ANHX: variants seen among roughly 807,000 people sequenced by gnomAD.
The protein encoded by ANHX is anomalous homeobox protein.
Under a neutral mutation model 38.9 loss-of-function variants are expected in ANHX, and 20 were observed. The ratio of observed to expected loss-of-function variants is 0.51; its 90% confidence interval spans 0.36 to 0.75. The LOEUF is 0.75. Among genes scored for constraint, ANHX ranks in the 30% least tolerant of loss-of-function variants. The probability of loss-of-function intolerance (pLI) is 0.00; values close to 1 mark genes in which losing one functional copy is unlikely to be tolerated. For synonymous variants in ANHX, 185 were observed against 203.1 expected (o/e 0.91, Z 0.76); for missense variants, 475 against 493.1 (o/e 0.96, Z 0.35).
intron 8 of ANHX, among the ~76,000 whole-genome samples, chr12:133,220,054 T>G (rs1281978980): frequency 6.6e-6 from 1 of 151,942 alleles, no homozygotes; most frequent in Non-Finnish European, 1.5e-5. Flanking sequence ...CAGCTAATCC[T>G]TAGTGACAGA....
chr12:133,218,875 T>G lies in ANHX; in HGVS notation c.*10A>C. The G allele has an allele frequency of 6.7e-7, 1 of 1,499,478 alleles. No individual in the cohort carries two copies. The highest frequency in any genetic ancestry group is 8.9e-7 in the Non-Finnish European group (1 of 1,124,018). The allele number at this position is 1,499,478 out of a possible 1,614,324, so 92.9% of individuals were successfully genotyped here. On this transcript the variant is annotated 3_prime_UTR_variant, in exon 10 of 10. Coordinates refer to ENST00000545940, the MANE Select transcript of ANHX (RefSeq NM_001372060.1). ...TCCTCCTGGGGTGCTGTCTGGCTCC[T>G]GGGGATAGCTCAGCCCAGGCTGCTC...
intron 4 of ANHX, 26 bp from the exon 5 acceptor site, chr12:133,227,178 G>C: frequency 6.6e-7 from 1 of 1,521,316 alleles, no homozygotes; most frequent in Non-Finnish European, 8.8e-7. Context: ...AAGACTTCTA[G>C]CCCTGCTTCC....
chr12:133,222,508 G>A (rs751042333), intron 7 of ANHX, among the ~76,000 whole-genome samples: 10 of 152,168 alleles, frequency 6.6e-5, no homozygotes, highest in Non-Finnish European at 1.3e-4. Context: ...GCAGGCTCCA[G>A]GTCTGAAGAC....
intron 8 of ANHX, among the ~76,000 whole-genome samples, chr12:133,220,825 G>A (rs772134796): frequency 6.6e-6 from 1 of 152,190 alleles, no homozygotes; most frequent in Non-Finnish European, 1.5e-5. Context: ...GCTCACGGAC[G>A]CTGTTCAAGA....
Position 133,227,153 on chromosome 12 carries a change from C to T in ANHX, c.502-1G>A. 1 of 1,533,014 alleles carries T rather than the reference C, an allele frequency of 6.5e-7. No individual in the cohort carries two copies. Among genetic ancestry groups the T allele is most frequent in the Non-Finnish European group, 8.7e-7 (1 of 1,144,882 alleles). The allele number at this position is 1,533,014 out of a possible 1,614,324, so 95.0% of individuals were successfully genotyped here. Reference sequence around the variant, plus strand: ...AGCTCGTCTCCAATGCCAAGTTCTCCTGCCCCCAAACAACAAGACTTCTAG... The same window carrying T: ...AGCTCGTCTCCAATGCCAAGTTCTCTTGCCCCCAAACAACAAGACTTCTAG... On this transcript the variant is annotated splice_acceptor_variant, in intron 4 of 9. Transcript: ENST00000545940. LOFTEE classifies it high-confidence loss of function.
chr12:133,225,309 A>G (rs1022843508), intron 7 of ANHX, among the ~76,000 whole-genome samples: 4 of 144,618 alleles, frequency 2.8e-5, no homozygotes, highest in African/African-American at 1.1e-4. Flanking sequence ...AGTGATATGC[A>G]TACATACACA....
In ANHX at chr12:133,219,309, G is replaced by T; in HGVS notation, c.1339C>A (p.Leu447Met). The change falls in exon 9 of 10, where the codon CTG becomes ATG. Residue 447 changes from leucine to methionine, a missense_variant. Leu to Met is a conservative substitution (Grantham distance 15). Coordinates refer to ENST00000545940, the MANE Select transcript of ANHX (RefSeq NM_001372060.1). The part of the protein sequence containing the change: ...AFPGPVSAME[L>M]SQALPSSQVQ... The stretch of plus-strand genomic sequence containing the variant: ...TGGCTGGAGGGCAGGGCCTGGCTCA[G>T]CTCCATGGCAGACACAGGGCCGGGG... The T allele has an allele frequency of 3.3e-6, 5 of 1,535,632 alleles. No individual in the cohort carries two copies. The highest frequency in any genetic ancestry group is 4.4e-6 in the Non-Finnish European group (5 of 1,146,824).
chr12:133,224,229 G>A (rs991502213), intron 7 of ANHX, among the ~76,000 whole-genome samples: 2 of 152,024 alleles, frequency 1.3e-5, no homozygotes, highest in Non-Finnish European at 2.9e-5. Flanking sequence ...GTTTTCAGAT[G>A]GGATGCTTCA....
At chr12:133,224,684 T>C (rs1425148320) in intron 7 of ANHX, among the ~76,000 whole-genome samples, 11 of 73,234 alleles carry the variant, frequency 1.5e-4, no homozygotes, top group Non-Finnish European at 2.0e-4. Flanking sequence ...AAAAAAAAAA[T>C]GCTGGGCGTG....
chr12:133,226,716 C>A (rs1459115786), intron 5 of ANHX, among the ~76,000 whole-genome samples: 1 of 152,212 alleles, frequency 6.6e-6, no homozygotes, highest in South Asian at 2.1e-4. Context: ...CCTGGCCCGG[C>A]CACACAGTGA....
chr12:133,226,584 G>A (rs1283737299), intron 5 of ANHX, 146 bp from the exon 6 acceptor site: 23 of 1,241,756 alleles, frequency 1.9e-5, no homozygotes, highest in Non-Finnish European at 2.4e-5. Context: ...TGTCTTTGGT[G>A]TGAACCAACA....
At chr12:133,228,059 T>G (rs551982718) in intron 3 of ANHX, 112 bp from the exon 4 acceptor site, 3 of 1,280,568 alleles carry the variant, frequency 2.3e-6, no homozygotes, top group Admixed American at 5.0e-5. Flanking sequence ...TGCCTCCTCC[T>G]GGGGGATGCC....
intron 5 of ANHX, 54 bp from the exon 6 acceptor site, chr12:133,226,492 C>T (rs1009932261): frequency 4.7e-6 from 7 of 1,497,502 alleles, no homozygotes; most frequent in Non-Finnish European, 6.2e-6. Context: ...TTCCCAACCT[C>T]CTTCCCATCA....
Position 133,218,420 on chromosome 12 carries a change from C to T in ANHX, c.*465G>A. On this transcript the variant is annotated 3_prime_UTR_variant, in exon 10 of 10. Coordinates refer to ENST00000545940, the MANE Select transcript of ANHX (RefSeq NM_001372060.1). ...CCTACTCTGCCCTGCCTAGGCCATT[C>T]GCAGACAGGTTTGCCTCCCAGTACT... is the stretch of plus-strand genomic sequence containing the variant. 1 of 153,808 alleles carries T rather than the reference C, an allele frequency of 6.5e-6. No homozygotes were observed. Among genetic ancestry groups the T allele is most frequent in the Non-Finnish European group, 1.4e-5 (1 of 69,136 alleles). 9.5% of individuals were successfully genotyped at this position (153,808 alleles called of 1,614,324 possible). A position where few individuals can be genotyped will look rare whatever the true frequency, so the allele number is the denominator to read the frequency against.
At chr12:133,228,539 C>A (rs1398543086) in intron 3 of ANHX, among the ~76,000 whole-genome samples, 2 of 152,200 alleles carry the variant, frequency 1.3e-5, no homozygotes, top group African/African-American at 4.8e-5. Context: ...TCTCTCACCC[C>A]CAAGACCTCC....
At position 133,226,409 on chromosome 12, in the gene ANHX, A is replaced by G; in HGVS notation, c.748T>C (p.Ser250Pro). Reference protein sequence around the residue: ...EEREEKGPPQSPQTTQGPWEP... With the variant: ...EEREEKGPPQPPQTTQGPWEP... ...CATGGTCCTTGGGTGGTCTGTGGGGACTGTGGAGGCCCCTTTTCCTCACGT... is the reference window on the plus strand; with the variant it reads ...CATGGTCCTTGGGTGGTCTGTGGGGGCTGTGGAGGCCCCTTTTCCTCACGT... The change falls in exon 6 of 10, where the codon TCC (serine) becomes CCC (proline). Residue 250 changes from serine to proline, a missense_variant. By Grantham distance (74) the Ser-to-Pro change is moderately conservative. Coordinates refer to ENST00000545940, the MANE Select transcript of ANHX (RefSeq NM_001372060.1). The G allele has an allele frequency of 6.5e-7, 1 of 1,535,850 alleles. No homozygotes were observed.
At chr12:133,235,716 A>AC (rs1463726048) in intron 1 of ANHX, 91 bp downstream of exon 1, 2 of 64,470 alleles carry the variant, frequency 3.1e-5, no homozygotes, top group Non-Finnish European at 5.9e-5. Flanking sequence ...ACCCTCTGGG[A>AC]CCCCCGCCCC....
chr12:133,222,604 G>A (rs1399443102), intron 7 of ANHX, among the ~76,000 whole-genome samples: 8 of 152,144 alleles, frequency 5.3e-5, no homozygotes, highest in Non-Finnish European at 7.3e-5. Context: ...AAATGTGAGT[G>A]TCCAACAGTT....
intron 3 of ANHX, among the ~76,000 whole-genome samples, chr12:133,229,271 A>G (rs143076604): frequency 0.019 from 2,880 of 152,262 alleles, 91 homozygotes; most frequent in African/African-American, 0.066. Context: ...TCTAGTGCTG[A>G]GCAGATTTGA....
Sources: allele counts gnomAD v4.1 joint callset (sites outside exome capture counted in the v4.1 genomes callset), GRCh38; gene constraint gnomAD v4.1.1; transcripts MANE v1.5; gene names NCBI Gene and HGNC (gene_info 2026-07-23, HGNC 2026-07-21).